TBP: variants seen among roughly 807,000 people sequenced by gnomAD.
TBP encodes the protein TATA-box binding protein, also known as TATA-box-binding protein.
Under a neutral mutation model 46.2 loss-of-function variants are expected in TBP, and 12 were observed. The observed-to-expected ratio is 0.26, with a 90% CI of 0.17 to 0.42. The LOEUF is 0.42. TBP is among the 10% of genes least tolerant of loss of function. The probability of loss-of-function intolerance (pLI) is 1.00; values close to 1 mark genes in which losing one functional copy is unlikely to be tolerated. For missense variants in TBP, 229 were observed against 403.1 expected (o/e 0.57, Z 3.70); for synonymous variants, 157 against 148.3 (o/e 1.06, Z -0.42).
chr6:170,557,219 A>G (rs1583123922), intron 2 of TBP, 136 bp downstream of exon 2: 1 of 811,200 alleles, frequency 1.2e-6, no homozygotes, highest in African/African-American at 1.7e-5. Flanking sequence ...TATTTTGTTG[A>G]GAAGTTCTAT....
Position 170,569,774 on chromosome 6 carries a change from T to C in TBP, c.840T>C (p.Phe280=), listed in dbSNP as rs764245588. 1.9e-6 allele frequency: 3 copies of C among 1,611,978 alleles called. No individual in the cohort carries two copies. The highest frequency in any genetic ancestry group is 2.5e-6 in the Non-Finnish European group (3 of 1,179,382). The change falls in exon 6 of 8, where the codon TTT becomes TTC. Residue 280 remains phenylalanine (F), a synonymous_variant. Coordinates refer to ENST00000392092, the MANE Select transcript of TBP (RefSeq NM_003194.5). ...GCCTTGTGCTCACCCACCAACAATT[T>C]AGTAGGTAAGTCTGAAATGTATTAT... ...LEGLVLTHQQ[F]SSYEPELFPG...
intron 7 of TBP, among the ~76,000 whole-genome samples, chr6:170,571,877 T>A (rs1395338023): frequency 6.6e-6 from 1 of 151,828 alleles, no homozygotes; most frequent in African/African-American, 2.4e-5. Flanking sequence ...AAGATTCAGT[T>A]GTTATCATTG....
chr6:170,570,847 T>C (rs913636109), intron 6 of TBP, among the ~76,000 whole-genome samples: 3 of 151,862 alleles, frequency 2.0e-5, no homozygotes, highest in African/African-American at 7.3e-5. Context: ...AAAAAAAGAA[T>C]ATATACCAAT....
At chr6:170,560,060 T>C (rs910671959) in intron 2 of TBP, among the ~76,000 whole-genome samples, 1 of 152,214 alleles carries the variant, frequency 6.6e-6, no homozygotes, top group Admixed American at 6.5e-5. Context: ...TTTCAAAATA[T>C]TACTCACTGA....
In TBP at chr6:170,563,091, A is replaced by G. The variant is rs1333432164; in HGVS notation, c.497+858A>G. Among the ~76,000 whole-genome samples the G allele has an allele frequency of 3.9e-5, 6 of 152,282 alleles. No homozygotes were observed. In the East Asian group the frequency reaches 1.2e-3, roughly 29 times the overall value. On this transcript the variant is annotated intron_variant, in intron 3 of 7. Transcript: ENST00000392092. ...CAAAGACCTAAATCTTGCCTCCACA[A>G]TTTTGTTTGACCCCACACACAATTT... is the stretch of plus-strand genomic sequence containing the variant.
chr6:170,568,455 TG>T (rs869059919), intron 5 of TBP, among the ~76,000 whole-genome samples: 2 of 40,852 alleles, frequency 4.9e-5, no homozygotes, highest in East Asian at 6.7e-3. Context: ...CATTCTTTTT[TG>T]TTGTTGTTGT....
intron 2 of TBP, among the ~76,000 whole-genome samples, chr6:170,558,809 T>C (rs1423741476): frequency 6.6e-6 from 1 of 152,050 alleles, no homozygotes; most frequent in African/African-American, 2.4e-5. Context: ...TTCTCCTGCC[T>C]CAGCCTCCCA....
At chr6:170,569,912 G>T (rs1020553694) in intron 6 of TBP, 133 bp downstream of exon 6, 10 of 837,806 alleles carry the variant, frequency 1.2e-5, no homozygotes, top group African/African-American at 1.0e-4. Flanking sequence ...ATGTATTCTT[G>T]CATTGTCTTC....
chr6:170,565,747 T>C (rs1237041160), intron 4 of TBP, among the ~76,000 whole-genome samples: 1 of 152,138 alleles, frequency 6.6e-6, no homozygotes, highest in East Asian at 1.9e-4. Context: ...GTTGATAAAA[T>C]CACAGGGAAG....
rs116308908 is a variant in TBP at position 170,571,993 on chromosome 6, A to G, written c.941-193A>G. 9.8e-3 allele frequency among the ~76,000 whole-genome samples: 1,486 copies of G among 152,016 alleles called. 23 individuals carry two copies. The highest frequency in any genetic ancestry group is 0.034 in the African/African-American group (1,402 of 41,448). ...GCTGGAGTCACTAAGATGATTTTTTAAAAGTATTGTTTTATAAACAAAAAT... is the reference window on the plus strand; with the variant it reads ...GCTGGAGTCACTAAGATGATTTTTTGAAAGTATTGTTTTATAAACAAAAAT... On this transcript the variant is annotated intron_variant, in intron 7 of 7. Coordinates refer to ENST00000392092, the MANE Select transcript of TBP (RefSeq NM_003194.5).
Position 170,571,445 on chromosome 6 carries a change from G to A in TBP, c.881G>A (p.Arg294Lys). ...EPELFPGLIYRMIKPRIVLLI... is the reference protein window; with the variant it reads ...EPELFPGLIYKMIKPRIVLLI... ...GAGTTATTTCCTGGTTTAATCTACA[G>A]AATGATCAAACCCAGAATTGTTCTC... is the stretch of plus-strand genomic sequence containing the variant. Residue 294 changes from arginine to lysine, a missense_variant, in exon 7 of 8, where the codon AGA (arginine) becomes AAA (lysine). Around this residue, in one of 4 missense-constraint regions of TBP, gnomAD observed 44 missense variants for 54.1 expected, o/e 0.81. Transcript: ENST00000392092. 6.2e-7 allele frequency: 1 copy of A among 1,613,882 alleles called. No homozygotes were observed.
At chr6:170,555,784 A>T (rs1779012370) in intron 1 of TBP, among the ~76,000 whole-genome samples, 1 of 152,134 alleles carries the variant, frequency 6.6e-6, no homozygotes, top group Non-Finnish European at 1.5e-5. Context: ...GCATTCAAGG[A>T]ACTTAGCTTA....
chr6:170,556,506 A>T (rs181737672), intron 1 of TBP, among the ~76,000 whole-genome samples: 397 of 152,302 alleles, frequency 2.6e-3, no homozygotes, highest in Non-Finnish European at 4.5e-3. Context: ...AAAGATCTAA[A>T]CTTTGCCTAA....
rs1489716387 is a variant in TBP at position 170,562,115 on chromosome 6, C to G, written c.379C>G (p.Leu127Val). The change falls in exon 3 of 8, where the codon CTC (leucine) becomes GTC (valine). Residue 127 changes from leucine (L) to valine (V), a missense_variant. Physicochemically the swap from Leu to Val is conservative, Grantham distance 32 (BLOSUM62 1). This residue lies in a region of TBP where 69 missense variants were observed against 66.2 expected (regional missense o/e 1.04). Transcript: ENST00000392092. ...ACCACAGCTCTTCCACTCACAGACTCTCACAACTGCACCCTTGCCGGGCAC... is the reference window on the plus strand; with the variant it reads ...ACCACAGCTCTTCCACTCACAGACTGTCACAACTGCACCCTTGCCGGGCAC... Reference protein sequence around the residue: ...QAPQLFHSQTLTTAPLPGTTP... With the variant: ...QAPQLFHSQTVTTAPLPGTTP... 1.7e-5 allele frequency: 28 copies of G among 1,614,058 alleles called. No individual in the cohort carries two copies. Among genetic ancestry groups the G allele is most frequent in the African/African-American group, 4.0e-5 (3 of 74,914 alleles).
At chr6:170,569,468 T>C (rs917146848) in intron 5 of TBP, 144 bp from the exon 6 acceptor site, 1 of 589,728 alleles carries the variant, frequency 1.7e-6, no homozygotes, top group African/African-American at 1.9e-5. Context: ...TGTGAATGCC[T>C]GTCAGTCTTT....
chr6:170,559,248 C>T (rs951755153), intron 2 of TBP, among the ~76,000 whole-genome samples: 3 of 152,148 alleles, frequency 2.0e-5, no homozygotes, highest in African/African-American at 7.2e-5. Flanking sequence ...AGCTGCACAT[C>T]TCTCATTTGA....
rs1779071641 is a variant in TBP at position 170,558,305 on chromosome 6, T to C, written c.54+1222T>C. Among the ~76,000 whole-genome samples, 3 of 152,260 alleles carry C rather than the reference T, an allele frequency of 2.0e-5. No individual in the cohort carries two copies. The South Asian group carries it at 6.2e-4, about 31-fold the overall frequency. On this transcript the variant is annotated intron_variant, in intron 2 of 7. Transcript: ENST00000392092. ...GTTTTTTGAAGTGGCTGTATTGTTT[T>C]GCAGCATAAGAGATTTAAGTTGCTC...
chr6:170,571,341 C>G (rs1377825515), intron 6 of TBP, 69 bp from the exon 7 acceptor site: 1 of 1,073,024 alleles, frequency 9.3e-7, no homozygotes, highest in Admixed American at 2.0e-5. Flanking sequence ...TTTCCTTGTA[C>G]AGGTCCTCAT....
chr6:170,564,870 A>C (rs556216132), intron 4 of TBP, among the ~76,000 whole-genome samples: 1 of 151,978 alleles, frequency 6.6e-6, no homozygotes, highest in Admixed American at 6.6e-5. Context: ...AAAAAAAAAA[A>C]AATTGGCCGG....
Sources: gnomAD v4.1 joint callset for allele counts (sites outside exome capture counted in the v4.1 genomes callset) on GRCh38, gnomAD v4.1.1 for gene constraint, gnomAD v4.1.1 regional missense constraint, MANE v1.5 for transcripts, NCBI Gene and HGNC (gene_info 2026-07-23, HGNC 2026-07-21) for gene names.